The following DCC variants were observed in gnomAD, a reference collection of about 807,000 sequenced individuals.
DCC encodes netrin receptor DCC.
In DCC, 58 loss-of-function variants were observed where a neutral mutation model predicts 172.5. The ratio of observed to expected loss-of-function variants is 0.34; its 90% CI spans 0.27 to 0.42. DCC has a LOEUF of 0.42. DCC is among the 10% of genes least tolerant of loss of function. The probability of loss-of-function intolerance (pLI) is 1.00; values close to 1 mark genes in which losing one functional copy is unlikely to be tolerated. For missense variants in DCC, 1,740 were observed against 1,791.0 expected (o/e 0.97, Z 0.51); for synonymous variants, 709 against 644.5 (o/e 1.10, Z -1.52).
chr18:53,468,342 T>TTTTATTTATTTATTTA (rs60585459), intron 25 of DCC, among the ~76,000 whole-genome samples: 27,467 of 130,818 alleles, frequency 0.21, 3,087 homozygotes, highest in South Asian at 0.24. Flanking sequence ...CATAGTTTAT[T>TTTTATTTATTTATTTA]TTTATTTATT....
intron 1 of DCC, among the ~76,000 whole-genome samples, chr18:52,347,952 C>T (rs1464226935): frequency 6.6e-6 from 1 of 151,958 alleles, no homozygotes; most frequent in Non-Finnish European, 1.5e-5. Context: ...ATAACAAATA[C>T]CCATGTACCC....
At chr18:52,536,471 T>C (rs552294982) in intron 1 of DCC, among the ~76,000 whole-genome samples, 1 of 152,120 alleles carries the variant, frequency 6.6e-6, no homozygotes, top group East Asian at 1.9e-4. Context: ...CAAAGAAAAA[T>C]TACCAAACTG....
chr18:52,518,471 G>A (rs1315594199), intron 1 of DCC, among the ~76,000 whole-genome samples: 3 of 152,226 alleles, frequency 2.0e-5, no homozygotes, highest in African/African-American at 7.2e-5. Flanking sequence ...AGGATAAAGT[G>A]TAAATTACTC....
intron 1 of DCC, among the ~76,000 whole-genome samples, chr18:52,437,612 C>T (rs979860288): frequency 6.6e-6 from 1 of 152,148 alleles, no homozygotes; most frequent in South Asian, 2.1e-4. Context: ...AATTCTCCCT[C>T]TAACTAGAGT....
chr18:52,984,189 TAATC>T (rs1171249674), intron 5 of DCC, among the ~76,000 whole-genome samples: 1 of 152,008 alleles, frequency 6.6e-6, no homozygotes, highest in African/African-American at 2.4e-5. Flanking sequence ...TTGATAGACA[TAATC>T]TATCTGTTAA....
intron 9 of DCC, among the ~76,000 whole-genome samples, chr18:53,194,999 CATATT>C (rs1174240108): frequency 1.3e-5 from 2 of 152,160 alleles, no homozygotes; most frequent in African/African-American, 4.8e-5. Flanking sequence ...TATTAACTAA[CATATT>C]ATATTGAACA....
At chr18:53,326,280 A>T (rs762019859) in intron 14 of DCC, among the ~76,000 whole-genome samples, 1 of 152,202 alleles carries the variant, frequency 6.6e-6, no homozygotes, top group Non-Finnish European at 1.5e-5. Flanking sequence ...ATGATTTGAG[A>T]TTGTTCACAT....
In DCC at chr18:53,490,949, T is replaced by C. The variant is rs138208021; in HGVS notation, c.3898+3991T>C. ...ACAACAGAAATTGTCCCTTAGGGATTGGTGATATATTCCGTCTTGAGGAAG... is the reference window on the plus strand; with the variant it reads ...ACAACAGAAATTGTCCCTTAGGGATCGGTGATATATTCCGTCTTGAGGAAG... On this transcript the variant is annotated intron_variant, in intron 26 of 28. Coordinates refer to ENST00000442544, the MANE Select transcript of DCC (RefSeq NM_005215.4). Among the ~76,000 whole-genome samples, 30 of 152,314 alleles carry C rather than the reference T, an allele frequency of 2.0e-4. No homozygotes were observed. The East Asian group carries it at 4.8e-3, about 25-fold the overall frequency.
At chr18:52,761,301 C>T (rs530336299) in intron 2 of DCC, among the ~76,000 whole-genome samples, 7 of 152,302 alleles carry the variant, frequency 4.6e-5, no homozygotes, top group African/African-American at 1.4e-4. Flanking sequence ...GATTCAATTA[C>T]CTCCCACAGG....
At chr18:52,855,544 G>C (rs575287815) in intron 2 of DCC, among the ~76,000 whole-genome samples, 1 of 152,238 alleles carries the variant, frequency 6.6e-6, no homozygotes, top group South Asian at 2.1e-4. Context: ...TTCACTTCTA[G>C]CTTTACCAAG....
intron 1 of DCC, among the ~76,000 whole-genome samples, chr18:52,386,772 A>G (rs1340375926): frequency 6.6e-6 from 1 of 152,112 alleles, no homozygotes; most frequent in Non-Finnish European, 1.5e-5. Flanking sequence ...TTTCCCATAT[A>G]TAATTTCTAA....
At chr18:52,509,785 C>A (rs562483278) in intron 1 of DCC, among the ~76,000 whole-genome samples, 1 of 152,140 alleles carries the variant, frequency 6.6e-6, no homozygotes, top group Non-Finnish European at 1.5e-5. Flanking sequence ...ACGGATGAAC[C>A]GAGTTGCCCC....
At chr18:52,406,546 G>A (rs1228727545) in intron 1 of DCC, among the ~76,000 whole-genome samples, 1 of 152,068 alleles carries the variant, frequency 6.6e-6, no homozygotes, top group Admixed American at 6.6e-5. Context: ...TCGGACTCTG[G>A]ATAATGGGCT....
chr18:53,374,703 C>T (rs945958589), intron 15 of DCC, among the ~76,000 whole-genome samples: 2 of 152,012 alleles, frequency 1.3e-5, no homozygotes, highest in Non-Finnish European at 2.9e-5. Context: ...CATACACGTA[C>T]CCACACACAT....
At chr18:53,088,430 T>A (rs942224240) in intron 7 of DCC, among the ~76,000 whole-genome samples, 1 of 152,194 alleles carries the variant, frequency 6.6e-6, no homozygotes, top group East Asian at 1.9e-4. Context: ...ATAAGAATGC[T>A]TGTGATTTTT....
chr18:52,927,135 A>G lies in DCC; in HGVS notation c.985+1765A>G, dbSNP rs9951049. 3.7e-3 allele frequency among the ~76,000 whole-genome samples: 353 copies of G among 94,836 alleles called. 58 individuals carry two copies. The highest frequency in any genetic ancestry group is 0.012 in the African/African-American group (340 of 27,294). 62.2% of individuals were successfully genotyped at this position (94,836 alleles called of 152,430 possible). A position where few individuals can be genotyped will look rare whatever the true frequency, so the allele number is the denominator to read the frequency against. ...TATATACGTGTATATACACGTATAT[A>G]CGTGTATATATGTGTATATATACGT... On this transcript the variant is annotated intron_variant, in intron 5 of 28. Coordinates refer to ENST00000442544, the MANE Select transcript of DCC (RefSeq NM_005215.4).
intron 1 of DCC, among the ~76,000 whole-genome samples, chr18:52,750,341 G>A (rs2036975761): frequency 6.6e-6 from 1 of 152,158 alleles, no homozygotes; most frequent in African/African-American, 2.4e-5. Context: ...TAGAAGAACA[G>A]GATGTACTAT....
intron 2 of DCC, among the ~76,000 whole-genome samples, chr18:52,830,650 T>C (rs749066277): frequency 3.9e-5 from 6 of 152,212 alleles, no homozygotes; most frequent in Non-Finnish European, 7.3e-5. Context: ...TTTATAGATA[T>C]AATTGTTGAC....
intron 5 of DCC, among the ~76,000 whole-genome samples, chr18:52,974,768 G>A (rs1281613450): frequency 6.6e-6 from 1 of 152,194 alleles, no homozygotes; most frequent in African/African-American, 2.4e-5. Context: ...TGACTGCAGT[G>A]TAAGACTTAC....
Sources: allele counts gnomAD v4.1 joint callset (sites outside exome capture counted in the v4.1 genomes callset), GRCh38; gene constraint gnomAD v4.1.1; transcripts MANE v1.5; gene names NCBI Gene and HGNC (gene_info 2026-07-23, HGNC 2026-07-21).